The following TMEM114 variants were observed in gnomAD, a reference collection of about 807,000 sequenced individuals.
The protein encoded by TMEM114 is claudin-26.
TMEM114 carries 6 observed loss-of-function variants against 6.2 expected under a neutral mutation model. That is an observed-to-expected ratio of 0.97 (90% confidence interval 0.53 to 1.91). TMEM114 has a LOEUF of 1.91. Ranked by LOEUF, TMEM114 falls within the 40% of genes most tolerant of loss-of-function variation. TMEM114 has a pLI of 0.01. For missense variants in TMEM114, 218 were observed against 158.3 expected (o/e 1.38, Z -2.02); for synonymous variants, 104 against 73.0 (o/e 1.42, Z -2.16).
intron 2 of TMEM114, among the ~76,000 whole-genome samples, chr16:8,578,843 G>T (rs1261463799): frequency 6.6e-6 from 1 of 152,126 alleles, no homozygotes; most frequent in Non-Finnish European, 1.5e-5. Context: ...GCTGGGCTTG[G>T]TGGCACAGGC....
At chr16:8,561,678 T>G (rs1179396077) in intron 2 of TMEM114, among the ~76,000 whole-genome samples, 1 of 152,184 alleles carries the variant, frequency 6.6e-6, no homozygotes, top group Non-Finnish European at 1.5e-5. Flanking sequence ...AGTGAATAAA[T>G]GAATGAGTGA....
chr16:8,541,478 G>A (rs539442767), intron 2 of TMEM114, among the ~76,000 whole-genome samples: 17 of 152,102 alleles, frequency 1.1e-4, no homozygotes, highest in Non-Finnish European at 2.1e-4. Context: ...GAGACAATTC[G>A]TCTGACCATA....
intron 2 of TMEM114, among the ~76,000 whole-genome samples, chr16:8,557,519 C>G (rs1901052415): frequency 6.6e-6 from 1 of 152,204 alleles, no homozygotes; most frequent in South Asian, 2.1e-4. Flanking sequence ...CTGCAATTCC[C>G]AACTCTCAGA....
downstream of TMEM114, among the ~76,000 whole-genome samples, chr16:8,566,461 G>C (rs1901549243): frequency 2.0e-5 from 3 of 146,460 alleles, no homozygotes; most frequent in African/African-American, 7.4e-5. Context: ...GAATGGATCA[G>C]AACACAACAG....
chr16:8,558,662 C>G (rs1394274571), intron 2 of TMEM114, among the ~76,000 whole-genome samples: 1 of 152,140 alleles, frequency 6.6e-6, no homozygotes, highest in Non-Finnish European at 1.5e-5. Flanking sequence ...ACTACAACAC[C>G]CACCCTGAGC....
chr16:8,539,219 A>G (rs960397510), intron 2 of TMEM114, among the ~76,000 whole-genome samples: 3 of 152,136 alleles, frequency 2.0e-5, no homozygotes, highest in Non-Finnish European at 2.9e-5. Context: ...CCCTGGGCCA[A>G]CTGCCCTCAG....
chr16:8,589,172 G>T, intron 2 of TMEM114, 41 bp downstream of exon 2: 1 of 398,580 alleles, frequency 2.5e-6, no homozygotes, highest in South Asian at 1.3e-4. Flanking sequence ...TCACGGCTAG[G>T]ACCGGGGCGC....
chr16:8,553,595 C>T (rs1165689160), intron 2 of TMEM114, among the ~76,000 whole-genome samples: 2 of 152,176 alleles, frequency 1.3e-5, no homozygotes, highest in Non-Finnish European at 2.9e-5. Flanking sequence ...ACGCCATTCT[C>T]CTGCCTCAGC....
chr16:8,580,106 C>T (rs62018866), intron 2 of TMEM114, among the ~76,000 whole-genome samples: 34,495 of 152,068 alleles, frequency 0.23, 4,586 homozygotes, highest in Non-Finnish European at 0.29. Flanking sequence ...CAAATAGCCC[C>T]ACAAGCCACA....
At chr16:8,585,783 A>C (rs1484950591) in intron 2 of TMEM114, among the ~76,000 whole-genome samples, 2 of 152,176 alleles carry the variant, frequency 1.3e-5, no homozygotes, top group Non-Finnish European at 2.9e-5. Flanking sequence ...AGGCTCTTTA[A>C]ATACACTGTC....
chr16:8,562,526 T>TGAGTGAGTGAGTGAGTGAGTGAGTG (rs1465142445), intron 2 of TMEM114, among the ~76,000 whole-genome samples: 1 of 127,142 alleles, frequency 7.9e-6, no homozygotes, highest in African/African-American at 3.0e-5. Context: ...ATGAGTGAGT[T>TGAGTGAGTGAGTGAGTGAGTGAGTG]AATGAGTGAG....
intron 2 of TMEM114, among the ~76,000 whole-genome samples, chr16:8,550,566 G>T (rs796789013): frequency 2.0e-5 from 3 of 151,858 alleles, no homozygotes; most frequent in African/African-American, 7.2e-5. Context: ...TAATCCCAGC[G>T]ACTCTGGAGG....
chr16:8,584,063 A>G (rs73489602), intron 2 of TMEM114, among the ~76,000 whole-genome samples: 2 of 152,354 alleles, frequency 1.3e-5, no homozygotes, highest in East Asian at 3.9e-4. Flanking sequence ...GGTGGAATTC[A>G]TGAGAAACAG....
intron 2 of TMEM114, among the ~76,000 whole-genome samples, chr16:8,557,994 C>T (rs2141665625): frequency 6.6e-6 from 1 of 152,310 alleles, no homozygotes; most frequent in African/African-American, 2.4e-5. Flanking sequence ...TGGCTCACAC[C>T]TGTAATCCCA....
chr16:8,536,292 C>T (rs1900357767), downstream of TMEM114, among the ~76,000 whole-genome samples: 2 of 151,940 alleles, frequency 1.3e-5, no homozygotes, highest in Non-Finnish European at 2.9e-5. Context: ...TCTAACAACC[C>T]ATTTTATTAT....
chr16:8,567,921 C>T (rs1056402429), downstream of TMEM114, among the ~76,000 whole-genome samples: 4 of 152,174 alleles, frequency 2.6e-5, no homozygotes, highest in African/African-American at 9.7e-5. Context: ...GCTCATTTAG[C>T]CCCATGTGGC....
At chr16:8,585,573 T>C (rs1902292535) in intron 2 of TMEM114, among the ~76,000 whole-genome samples, 1 of 150,962 alleles carries the variant, frequency 6.6e-6, no homozygotes, top group Non-Finnish European at 1.5e-5. Flanking sequence ...CTTCATATAA[T>C]AGAAGAGCTT....
downstream of TMEM114, among the ~76,000 whole-genome samples, chr16:8,568,702 C>A (rs1901625012): frequency 6.6e-6 from 1 of 152,166 alleles, no homozygotes; most frequent in Non-Finnish European, 1.5e-5. Flanking sequence ...GCTCCTCGGG[C>A]CCTCCCCTAC....
At chr16:8,573,914 ATTG>A (rs1389951409) in intron 2 of TMEM114, among the ~76,000 whole-genome samples, 25 of 152,166 alleles carry the variant, frequency 1.6e-4, no homozygotes, top group Admixed American at 1.6e-3. Flanking sequence ...CCTGTGCACA[ATTG>A]TATCCCTGAG....
Sources: allele counts gnomAD v4.1 joint callset (sites outside exome capture counted in the v4.1 genomes callset), GRCh38; gene constraint gnomAD v4.1.1; transcripts MANE v1.5; gene names NCBI Gene and HGNC (gene_info 2026-07-23, HGNC 2026-07-21).